The following IRAG2 variants were observed in gnomAD, a reference collection of about 807,000 sequenced individuals.
The protein encoded by IRAG2 is inositol 1,4,5-triphosphate receptor associated 2.
IRAG2 carries 45 observed loss-of-function variants against 69.9 expected under a neutral mutation model. The observed-to-expected ratio is 0.64, with a 90% confidence interval of 0.51 to 0.83. The LOEUF is 0.83. IRAG2 is among the 40% of genes least tolerant of loss of function. The pLI is 0.00. For synonymous variants in IRAG2, 193 were observed against 202.4 expected, an observed-to-expected ratio of 0.95 and a Z score of 0.40; for missense variants, 520 against 587.0, an observed-to-expected ratio of 0.89 and a Z score of 1.18.
chr12:25,102,323 T>C (rs1948805203), intron 17 of IRAG2, 82 bp downstream of exon 17: 1 of 1,047,026 alleles, frequency 9.6e-7, no homozygotes, highest in East Asian at 2.5e-5. Flanking sequence ...CAGGCCTTTA[T>C]ATGTAAATAA....
intron 16 of IRAG2, among the ~76,000 whole-genome samples, chr12:25,046,514 A>G (rs1944795678): frequency 6.6e-6 from 1 of 152,214 alleles, no homozygotes; most frequent in Non-Finnish European, 1.5e-5. Context: ...CAAAATCAAC[A>G]TACCATAATA....
At position 25,089,769 on chromosome 12, in the gene IRAG2, T is replaced by C; in HGVS notation, c.444T>C (p.Ser148=). 1 of 1,613,394 alleles carries C rather than the reference T, an allele frequency of 6.2e-7. No individual in the cohort carries two copies. Among genetic ancestry groups the C allele is most frequent in the Non-Finnish European group, 8.5e-7 (1 of 1,179,996 alleles). ...TTTTTGTCTTATCCTACAGCACTTC[T>C]GCTAATGAGAAGGAGGTGGAGGTGA... ...SVNLRQSENT[S]ANEKEVEAEF... The change falls in exon 13 of 22, where the codon TCT becomes TCC. Residue 148 remains serine, a synonymous_variant. Coordinates refer to ENST00000556887, the MANE Select transcript of IRAG2 (RefSeq NM_001366544.2).
intron 1 of IRAG2, among the ~76,000 whole-genome samples, chr12:25,057,641 T>C (rs1005998103): frequency 1.3e-5 from 2 of 152,200 alleles, no homozygotes; most frequent in African/African-American, 2.4e-5. Flanking sequence ...TTTTAACTTC[T>C]TTTTTATTAA....
At chr12:25,021,190 G>A (rs1591927496) in intron 7 of IRAG2, 3 of 198,828 alleles carry the variant, frequency 1.5e-5, no homozygotes, top group Middle Eastern at 1.7e-3. Context: ...CTCCAGCCTC[G>A]ACCTCCCAGG....
intron 6 of IRAG2, chr12:25,020,713 A>C (rs1336075986): frequency 1.6e-6 from 1 of 613,268 alleles, no homozygotes; most frequent in Non-Finnish European, 2.4e-6. Context: ...GGTCCAAAAT[A>C]GTCCTTGGCT....
chr12:25,058,036 G>A (rs1003270686), intron 1 of IRAG2, among the ~76,000 whole-genome samples: 10 of 152,106 alleles, frequency 6.6e-5, no homozygotes, highest in South Asian at 2.1e-4. Context: ...GGGTTACGAC[G>A]GACAAAGCTG....
intron 9 of IRAG2, among the ~76,000 whole-genome samples, chr12:25,081,878 A>G (rs1036011700): frequency 6.6e-6 from 1 of 152,160 alleles, no homozygotes; most frequent in African/African-American, 2.4e-5. Context: ...AATTTTGTGA[A>G]AAAAAGGACA....
At chr12:25,018,259 C>T (rs1189379836) in intron 6 of IRAG2, among the ~76,000 whole-genome samples, 3 of 145,298 alleles carry the variant, frequency 2.1e-5, no homozygotes, top group African/African-American at 7.7e-5. Context: ...TGCAGCGGCA[C>T]GATCTCAGCT....
intron 20 of IRAG2, among the ~76,000 whole-genome samples, chr12:25,105,964 T>C (rs1264286775): frequency 1.3e-5 from 2 of 151,770 alleles, no homozygotes; most frequent in African/African-American, 4.9e-5. Flanking sequence ...AGTGGAACAA[T>C]TATGTTTTGC....
rs1683167 is a variant in IRAG2, at chr12:25,066,012, C to T, written c.-206-353C>T. On this transcript the variant is annotated intron_variant, in intron 4 of 21. Coordinates refer to ENST00000556887, the MANE Select transcript of IRAG2 (RefSeq NM_001366544.2). ...AAACAGGCAGCTGGCTGGATTTTCA[C>T]CCGCTGGCTGTAGATTGTTAACCTC... 4.8e-3 allele frequency among the ~76,000 whole-genome samples: 726 copies of T among 152,236 alleles called. 10 individuals carry two copies. The highest frequency in any genetic ancestry group is 0.016 in the African/African-American group (670 of 41,526).
chr12:25,011,152 C>G (rs1445140138), intron 2 of IRAG2, among the ~76,000 whole-genome samples: 1 of 152,152 alleles, frequency 6.6e-6, no homozygotes, highest in Admixed American at 6.5e-5. Context: ...CCCAAAGCTA[C>G]ACAGCTGGTA....
intron 1 of IRAG2, among the ~76,000 whole-genome samples, chr12:25,061,203 C>T (rs1033109898): frequency 6.6e-6 from 1 of 152,046 alleles, no homozygotes; most frequent in Non-Finnish European, 1.5e-5. Context: ...GTTTTTGAAG[C>T]AATGAAATGA....
At chr12:25,107,445 A>C (rs1464282009) in intron 21 of IRAG2, among the ~76,000 whole-genome samples, 1 of 152,190 alleles carries the variant, frequency 6.6e-6, no homozygotes, top group Non-Finnish European at 1.5e-5. Context: ...AAGGGGGACT[A>C]CTGTACACAC....
intron 15 of IRAG2, among the ~76,000 whole-genome samples, chr12:25,098,368 C>T (rs953785822): frequency 1.3e-5 from 2 of 152,214 alleles, no homozygotes; most frequent in Admixed American, 6.5e-5. Context: ...CATATTCTCT[C>T]TCAAACACAG....
intron 16 of IRAG2, among the ~76,000 whole-genome samples, chr12:25,039,951 C>G (rs146547830): frequency 1.8e-4 from 27 of 152,292 alleles, no homozygotes; most frequent in African/African-American, 6.0e-4. Context: ...CAAGGTTACC[C>G]AGCTGGGATT....
intron 11 of IRAG2, 53 bp from the exon 12 acceptor site, chr12:25,089,561 C>T (rs1779487323): frequency 9.2e-7 from 1 of 1,088,930 alleles, no homozygotes; most frequent in Admixed American, 2.1e-5. Context: ...ATCAAATGTG[C>T]TTTTACAGGT....
chr12:25,101,299 G>T lies in IRAG2; in HGVS notation c.863G>T (p.Arg288Met). The T allele has an allele frequency of 6.2e-7, 1 of 1,605,814 alleles. No individual in the cohort carries two copies. Among genetic ancestry groups the T allele is most frequent in the Non-Finnish European group, 8.5e-7 (1 of 1,175,514 alleles). ...AAACAGGTTCTTCTGCAGAATGAAA[G>T]GTCTTTCAATCCTCTTGAAGATGAT... is the stretch of plus-strand genomic sequence containing the variant. ...ELKQVLLQNE[R>M]SFNPLEDDDD... Residue 288 changes from arginine to methionine, a missense_variant, in exon 16 of 22, where the codon AGG (arginine) becomes ATG (methionine). Transcript: ENST00000556887.
intron 16 of IRAG2, among the ~76,000 whole-genome samples, chr12:25,046,261 C>T (rs1037494579): frequency 6.6e-6 from 1 of 151,940 alleles, no homozygotes; most frequent in African/African-American, 2.4e-5. Flanking sequence ...GAACATCACT[C>T]AATGGTAAAA....
At chr12:25,084,412 G>A (rs1947434107) in intron 10 of IRAG2, among the ~76,000 whole-genome samples, 1 of 151,982 alleles carries the variant, frequency 6.6e-6, no homozygotes, top group South Asian at 2.1e-4. Context: ...AAGAGAGAGA[G>A]AGAGAAGACT....
Sources: gnomAD v4.1 joint callset for allele counts (sites outside exome capture counted in the v4.1 genomes callset) on GRCh38, gnomAD v4.1.1 for gene constraint, MANE v1.5 for transcripts, NCBI Gene and HGNC (gene_info 2026-07-23, HGNC 2026-07-21) for gene names.